RBM39: variants seen among roughly 807,000 people sequenced by gnomAD.
RBM39 encodes RNA binding motif protein 39.
A neutral mutation model predicts 79.6 loss-of-function variants in RBM39; 12 were observed. That is an observed-to-expected ratio of 0.15 (90% CI 0.10 to 0.24). The LOEUF (loss-of-function observed/expected upper bound fraction) is 0.24. Ranked by LOEUF, RBM39 falls within the 10% of genes least tolerant of loss-of-function variation. The pLI, the probability that RBM39 is intolerant of heterozygous loss-of-function variation, is 1.00. For synonymous variants in RBM39, 185 were observed against 208.4 expected (o/e 0.89, Z 0.97); for missense variants, 243 against 653.4 (o/e 0.37, Z 6.85).
At chr20:35,722,637 T>G (rs1279958212) in intron 8 of RBM39, among the ~76,000 whole-genome samples, 1 of 151,406 alleles carries the variant, frequency 6.6e-6, no homozygotes, top group African/African-American at 2.4e-5. Flanking sequence ...CAGTCACATA[T>G]AAAGTAAGCA....
intron 3 of RBM39, among the ~76,000 whole-genome samples, chr20:35,736,032 A>G (rs1452397171): frequency 6.6e-6 from 1 of 152,238 alleles, no homozygotes; most frequent in African/African-American, 2.4e-5. Context: ...ACAATGGTAC[A>G]GTAACGAAGG....
At chr20:35,725,464 A>G (rs1362852877) in intron 6 of RBM39, among the ~76,000 whole-genome samples, 1 of 152,092 alleles carries the variant, frequency 6.6e-6, no homozygotes, top group Non-Finnish European at 1.5e-5. Flanking sequence ...ACTCCCCCAT[A>G]GCTACGGCAT....
At chr20:35,741,199 A>C (rs910282081) in intron 1 of RBM39, among the ~76,000 whole-genome samples, 1 of 150,624 alleles carries the variant, frequency 6.6e-6, no homozygotes, top group Non-Finnish European at 1.5e-5. Context: ...ACGCCCGGCT[A>C]ATTTTTGTAT....
Position 35,716,726 on chromosome 20 carries a change from T to G in RBM39, c.891+14A>C. 1.4e-6 allele frequency: 2 copies of G among 1,475,408 alleles called. No individual in the cohort carries two copies. Among genetic ancestry groups the G allele is most frequent in the Non-Finnish European group, 1.9e-6 (2 of 1,069,828 alleles). 91.4% of individuals were successfully genotyped at this position (1,475,408 alleles called of 1,614,324 possible). ...AAAAAAACCCTAAGTAATATAATTA[T>G]GGTAATTACTTACTGTAATAAATCC... is the stretch of plus-strand genomic sequence containing the variant. On this transcript the variant is annotated intron_variant, in intron 10 of 16. Coordinates refer to ENST00000253363, the MANE Select transcript of RBM39 (RefSeq NM_184234.3).
intron 9 of RBM39, among the ~76,000 whole-genome samples, chr20:35,720,604 T>TA (rs61224365): frequency 0.057 from 7,477 of 130,896 alleles, 233 homozygotes; most frequent in African/African-American, 0.1. Context: ...GCCCTGTCTC[T>TA]AAAAAAAAAA....
chr20:35,723,650 C>A (rs970244501), intron 8 of RBM39, among the ~76,000 whole-genome samples: 2 of 152,150 alleles, frequency 1.3e-5, no homozygotes, highest in African/African-American at 4.8e-5. Flanking sequence ...GTTGGCCAGG[C>A]TGGTCTCGAA....
intron 3 of RBM39, chr20:35,736,740 T>A: frequency 2.8e-6 from 1 of 357,672 alleles, no homozygotes. Context: ...AACCTCTGCC[T>A]CCCAGGTTCA....
At chr20:35,734,818 A>G (rs2039736847) in intron 3 of RBM39, 1 of 1,391,162 alleles carries the variant, frequency 7.2e-7, no homozygotes, top group Admixed American at 3.5e-5. Flanking sequence ...GTATATTTCC[A>G]GCTTCAAAGA....
At chr20:35,735,169 G>A (rs2146714337) in intron 3 of RBM39, 1 of 1,375,490 alleles carries the variant, frequency 7.3e-7, no homozygotes, top group Non-Finnish European at 9.4e-7. Context: ...TTTCAACTGT[G>A]TCATTTTAAT....
At position 35,704,295 on chromosome 20, in the gene RBM39, T is replaced by A. The variant is rs370576736; in HGVS notation, c.*186A>T. On this transcript the variant is annotated 3_prime_UTR_variant, in exon 17 of 17. Transcript: ENST00000253363. ...GAGAACAGTTTTGTATACAGTGGGA[T>A]TTACTATTTAGGGAGAATGAGCACA... 6.1e-6 allele frequency: 3 copies of A among 490,574 alleles called. No individual in the cohort carries two copies. Among genetic ancestry groups the A allele is most frequent in the East Asian group, 3.5e-5 (1 of 28,570 alleles). 30.4% of individuals were successfully genotyped at this position (490,574 alleles called of 1,614,324 possible).
In RBM39 at chr20:35,704,719, T is replaced by C; in HGVS notation, c.1441A>G (p.Ile481Val). The C allele has an allele frequency of 6.2e-7, 1 of 1,613,964 alleles. No individual in the cohort carries two copies. The highest frequency in any genetic ancestry group is 2.2e-5 in the East Asian group (1 of 44,876). ...TTGACAGCAGCAATAGCTGCAGCAA[T>C]TGATGGGCACTTCACATACACATTG... ...QGNVYVKCPS[I>V]AAAIAAVNAL... The change falls in exon 16 of 17, where the codon ATT becomes GTT. Residue 481 changes from isoleucine to valine, a missense_variant. By Grantham distance (29) the Ile-to-Val change is conservative (BLOSUM62 3). Coordinates refer to ENST00000253363, the MANE Select transcript of RBM39 (RefSeq NM_184234.3).
chr20:35,737,190 G>A (rs1379766181), intron 3 of RBM39, among the ~76,000 whole-genome samples: 1 of 150,222 alleles, frequency 6.7e-6, no homozygotes, highest in African/African-American at 2.4e-5. Context: ...AGGAGTTGAA[G>A]ACCAGCCTGG....
At chr20:35,738,309 T>G (rs1021638955) in intron 3 of RBM39, among the ~76,000 whole-genome samples, 5 of 152,242 alleles carry the variant, frequency 3.3e-5, no homozygotes, top group Non-Finnish European at 5.9e-5. Flanking sequence ...TCATATCTGT[T>G]ACCTAAGACT....
At position 35,733,825 on chromosome 20, in the gene RBM39, A is replaced by C. The variant is rs1414390212; in HGVS notation, c.102-1690T>G. Among the ~76,000 whole-genome samples, 6 of 152,222 alleles carry C rather than the reference A, an allele frequency of 3.9e-5. No homozygotes were observed. The East Asian group carries it at 1.2e-3, about 29-fold the overall frequency. ...ACCTTTTTAAAATCTCTAACTAAAAACCAAAAAAGCCAAACATATCTTTCT... is the reference window on the plus strand; with the variant it reads ...ACCTTTTTAAAATCTCTAACTAAAACCCAAAAAAGCCAAACATATCTTTCT... On this transcript the variant is annotated intron_variant, in intron 3 of 16. Coordinates refer to ENST00000253363, the MANE Select transcript of RBM39 (RefSeq NM_184234.3).
In RBM39 at chr20:35,702,744, C is replaced by CTAACA. The variant is rs2035343705; in HGVS notation, c.*1732_*1736dup. Reference sequence around the variant, plus strand: ...TGAGGTCAGTGTGAGACCAGCCGGGCTAACACCGTCTCTGCTAAAAATACA... The same window carrying CTAACA: ...TGAGGTCAGTGTGAGACCAGCCGGGCTAACATAACACCGTCTCTGCTAAAAATACA... On this transcript the variant is annotated 3_prime_UTR_variant, in exon 17 of 17. Transcript: ENST00000253363. 6.6e-6 allele frequency: 1 copy of CTAACA among 152,180 alleles called. No homozygotes were observed. The highest frequency in any genetic ancestry group is 6.5e-5 in the Admixed American group (1 of 15,274). 9.4% of individuals were successfully genotyped at this position (152,180 alleles called of 1,614,324 possible). A position where few individuals can be genotyped will look rare whatever the true frequency, so the allele number is the denominator to read the frequency against.
rs960921904 is a variant in RBM39, at chr20:35,714,783, T to C, written c.892-394A>G. Among the ~76,000 whole-genome samples the C allele has an allele frequency of 1.1e-4, 17 of 152,218 alleles. No individual in the cohort carries two copies. The East Asian group carries it at 2.3e-3, about 21-fold the overall frequency. On this transcript the variant is annotated intron_variant, in intron 10 of 16. Transcript: ENST00000253363. The stretch of plus-strand genomic sequence containing the variant: ...AACAAAAATGTGCCCAGGGACAAAA[T>C]AGTCAATATAATCCTCATATATAAA...
chr20:35,739,683 T>TA (rs137947786), intron 2 of RBM39: 35,390 of 343,854 alleles, frequency 0.1, 1,948 homozygotes, highest in South Asian at 0.14. Flanking sequence ...ACATCCATGT[T>TA]AAAAAAAACT....
chr20:35,704,455 A>G lies in RBM39; in HGVS notation c.*26T>C. ...GAATTCTCAAGAAAGAAAAAAAGCT[A>G]TATACATAAGGGACTATATCTTCCT... On this transcript the variant is annotated 3_prime_UTR_variant, in exon 17 of 17. Transcript: ENST00000253363. 2 of 1,468,184 alleles carry G rather than the reference A, an allele frequency of 1.4e-6. No individual in the cohort carries two copies. Among genetic ancestry groups the G allele is most frequent in the Non-Finnish European group, 1.9e-6 (2 of 1,069,054 alleles). The allele number at this position is 1,468,184 out of a possible 1,614,324, so 90.9% of individuals were successfully genotyped here.
intron 9 of RBM39, among the ~76,000 whole-genome samples, chr20:35,719,071 G>A (rs2037556440): frequency 6.6e-6 from 1 of 152,070 alleles, no homozygotes; most frequent in African/African-American, 2.4e-5. Flanking sequence ...TTGTTCTGGG[G>A]CAAAGGTAAG....
Sources: allele counts gnomAD v4.1 joint callset (sites outside exome capture counted in the v4.1 genomes callset), GRCh38; gene constraint gnomAD v4.1.1; transcripts MANE v1.5; gene names NCBI Gene and HGNC (gene_info 2026-07-23, HGNC 2026-07-21).